Variants in BMERB1 observed in about 807,000 individuals in gnomAD.
The protein encoded by BMERB1 is bMERB domain-containing protein 1.
A neutral mutation model predicts 23.6 loss-of-function variants in BMERB1; 12 were observed. The ratio of observed to expected loss-of-function variants is 0.51; its 90% CI spans 0.33 to 0.82. The LOEUF (loss-of-function observed/expected upper bound fraction) is 0.82, where lower values mean the gene tolerates loss of function less well. Among genes scored for constraint, BMERB1 ranks in the 40% least tolerant of loss-of-function variants. The pLI is 0.03. For missense variants in BMERB1, 247 were observed against 255.4 expected, an observed-to-expected ratio of 0.97 and a Z score of 0.22; for synonymous variants, 122 against 96.6, an observed-to-expected ratio of 1.26 and a Z score of -1.54.
At chr16:15,462,933 A>G (rs916140539) in intron 1 of BMERB1, among the ~76,000 whole-genome samples, 3 of 152,188 alleles carry the variant, frequency 2.0e-5, no homozygotes, top group Admixed American at 1.3e-4. Context: ...AACAATGCAG[A>G]GTCCTCCCGC....
At chr16:15,568,154 T>G in intron 3 of BMERB1, 98 bp downstream of exon 3, 1 of 1,008,528 alleles carries the variant, frequency 9.9e-7, no homozygotes, top group African/African-American at 1.6e-5. Context: ...AGCCTCATTC[T>G]TGCAATGCAG....
At chr16:15,530,903 C>CTTTTTTTT (rs1220558728) in intron 2 of BMERB1, among the ~76,000 whole-genome samples, 38 of 109,226 alleles carry the variant, frequency 3.5e-4, no homozygotes, top group African/African-American at 4.2e-4. Flanking sequence ...TTTCTTCTTT[C>CTTTTTTTT]TTTTTTTTTT....
chr16:15,556,623 G>T (rs946764166), intron 2 of BMERB1, among the ~76,000 whole-genome samples: 2 of 152,020 alleles, frequency 1.3e-5, no homozygotes, highest in African/African-American at 4.8e-5. Flanking sequence ...GTCTCGCTCT[G>T]TTGCCAGGCT....
intron 1 of BMERB1, among the ~76,000 whole-genome samples, chr16:15,496,899 AAGCCAGGCAGGGGCAG>A (rs925165604): frequency 1.6e-4 from 24 of 152,258 alleles, no homozygotes; most frequent in South Asian, 1.0e-3. Flanking sequence ...CAGGGGCACA[AAGCCAGGCAGGGGCAG>A]AGCCAGGCAG....
chr16:15,581,097 A>G, intron 3 of BMERB1, 120 bp from the exon 4 acceptor site: 3 of 647,752 alleles, frequency 4.6e-6, no homozygotes, highest in Non-Finnish European at 5.2e-6. Flanking sequence ...TATTTTTGGT[A>G]GAGATGGGGT....
At chr16:15,519,911 C>T (rs558007988) in intron 2 of BMERB1, among the ~76,000 whole-genome samples, 8 of 152,108 alleles carry the variant, frequency 5.3e-5, no homozygotes, top group Non-Finnish European at 1.2e-4. Flanking sequence ...GGTGAGAACT[C>T]GGGAGATGTG....
At position 15,586,830 on chromosome 16, in the gene BMERB1, C is replaced by A. The variant is rs747156942; in HGVS notation, c.*1C>A. On this transcript the variant is annotated 3_prime_UTR_variant, in exon 6 of 6. Coordinates refer to ENST00000300006, the MANE Select transcript of BMERB1 (RefSeq NM_033201.3). ...GGCCACCCAGTGCAACATCATGTAG[C>A]CCCCACGTGGGGTGCCCTGGGCCAT... is the stretch of plus-strand genomic sequence containing the variant. The A allele has an allele frequency of 1.3e-6, 2 of 1,594,308 alleles. No homozygotes were observed. Among genetic ancestry groups the A allele is most frequent in the Non-Finnish European group, 1.7e-6 (2 of 1,170,358 alleles).
chr16:15,568,370 G>T, intron 3 of BMERB1, among the ~76,000 whole-genome samples: 1 of 152,206 alleles, frequency 6.6e-6, no homozygotes, highest in Admixed American at 6.5e-5. Flanking sequence ...GGGCACGGTG[G>T]CTAATGCCTG....
intron 1 of BMERB1, among the ~76,000 whole-genome samples, chr16:15,458,532 T>C (rs2051106498): frequency 2.0e-5 from 3 of 151,256 alleles, no homozygotes; most frequent in African/African-American, 4.9e-5. Flanking sequence ...CTGGGCAACA[T>C]GGTGAAACCC....
At chr16:15,453,612 C>G (rs1472106951) in intron 1 of BMERB1, among the ~76,000 whole-genome samples, 1 of 151,798 alleles carries the variant, frequency 6.6e-6, no homozygotes, top group Non-Finnish European at 1.5e-5. Flanking sequence ...GGTGGCTCAC[C>G]TGTAATCCCA....
At chr16:15,504,436 T>G (rs1264613909) in intron 1 of BMERB1, among the ~76,000 whole-genome samples, 1 of 151,814 alleles carries the variant, frequency 6.6e-6, no homozygotes, top group Non-Finnish European at 1.5e-5. Context: ...TCTTTGCAAC[T>G]CTTCTTAAAT....
rs373862409 is a variant in BMERB1, at chr16:15,586,762, C to A, written c.548C>A (p.Thr183Lys). ...KKAEPPPSKP[T>K]VAKTGLALIK... Reference sequence around the variant, plus strand: ...GCAGAGCCCCCACCTAGCAAGCCCACGGTGGCCAAGACGGGGCTGGCACTG... The same window carrying A: ...GCAGAGCCCCCACCTAGCAAGCCCAAGGTGGCCAAGACGGGGCTGGCACTG... The change falls in exon 6 of 6, where the codon ACG becomes AAG. Residue 183 changes from threonine (T) to lysine (K), a missense_variant. Thr to Lys is a moderately conservative substitution (Grantham distance 78). Transcript: ENST00000300006. 6.2e-7 allele frequency: 1 copy of A among 1,612,522 alleles called. No homozygotes were observed. Among genetic ancestry groups the A allele is most frequent in the Non-Finnish European group, 8.5e-7 (1 of 1,179,548 alleles).
At chr16:15,530,907 T>C (rs898272777) in intron 2 of BMERB1, among the ~76,000 whole-genome samples, 11 of 145,142 alleles carry the variant, frequency 7.6e-5, no homozygotes, top group East Asian at 2.0e-4. Flanking sequence ...TTCTTTCTTT[T>C]TTTTTTTTTT....
At chr16:15,486,835 A>G (rs2150937516) in intron 1 of BMERB1, among the ~76,000 whole-genome samples, 1 of 152,260 alleles carries the variant, frequency 6.6e-6, no homozygotes, top group East Asian at 1.9e-4. Flanking sequence ...TCTTAGGCAA[A>G]TTACTTAACC....
At chr16:15,456,195 C>G (rs1283468082) in intron 1 of BMERB1, among the ~76,000 whole-genome samples, 4 of 152,136 alleles carry the variant, frequency 2.6e-5, no homozygotes, top group Non-Finnish European at 4.4e-5. Flanking sequence ...TGTGTATCTT[C>G]TCAGTGTTTT....
intron 2 of BMERB1, among the ~76,000 whole-genome samples, chr16:15,551,680 G>A (rs1178929654): frequency 6.6e-6 from 1 of 152,154 alleles, no homozygotes; most frequent in Non-Finnish European, 1.5e-5. Context: ...TGACACTGCT[G>A]TAAAGATACT....
rs1301537635 is a variant in BMERB1 at position 15,582,218 on chromosome 16, G to A, written c.419+887G>A. Among the ~76,000 whole-genome samples the A allele has an allele frequency of 3.9e-5, 6 of 152,296 alleles. No homozygotes were observed. In the East Asian group the frequency reaches 1.2e-3, roughly 29 times the overall value. The stretch of plus-strand genomic sequence containing the variant: ...GTTCAAGACCAGCCTGGGCAACATG[G>A]TGAAACCCCGTCTCTACTAAAACTA... On this transcript the variant is annotated intron_variant, in intron 4 of 5. Coordinates refer to ENST00000300006, the MANE Select transcript of BMERB1 (RefSeq NM_033201.3).
Position 15,585,525 on chromosome 16 carries a change from A to G in BMERB1, c.503-1192A>G, listed in dbSNP as rs1307239552. Among the ~76,000 whole-genome samples the G allele has an allele frequency of 2.0e-5, 3 of 152,126 alleles. No homozygotes were observed. The East Asian group carries it at 5.8e-4, about 29-fold the overall frequency. On this transcript the variant is annotated intron_variant, in intron 5 of 5. Transcript: ENST00000300006. ...GAAAAAAGCAACCCCCTTGAAGATGAGCCCTCAATAAAAATGAAAAACCCG... is the reference window on the plus strand; with the variant it reads ...GAAAAAAGCAACCCCCTTGAAGATGGGCCCTCAATAAAAATGAAAAACCCG...
chr16:15,562,730 C>G (rs1005379112), intron 2 of BMERB1, among the ~76,000 whole-genome samples: 1 of 152,202 alleles, frequency 6.6e-6, no homozygotes. Context: ...CAAGATTGCC[C>G]TGATGTAGCC....
Sources: allele counts gnomAD v4.1 joint callset (sites outside exome capture counted in the v4.1 genomes callset), GRCh38; gene constraint gnomAD v4.1.1; transcripts MANE v1.5; gene names NCBI Gene and HGNC (gene_info 2026-07-23, HGNC 2026-07-21).